The following PTPRT variants were observed in gnomAD, a reference collection of about 807,000 sequenced individuals.
PTPRT encodes receptor-type tyrosine-protein phosphatase T.
A neutral mutation model predicts 176.8 loss-of-function variants in PTPRT; 56 were observed. That is an observed-to-expected ratio of 0.32 (90% CI 0.26 to 0.40). PTPRT has a LOEUF of 0.40. Among genes scored for constraint, PTPRT ranks in the 10% least tolerant of loss-of-function variants. The probability of loss-of-function intolerance (pLI) is 1.00; values close to 1 mark genes in which losing one functional copy is unlikely to be tolerated. For missense variants in PTPRT, 1,540 were observed against 1,908.2 expected, an observed-to-expected ratio of 0.81 and a Z score of 3.60; for synonymous variants, 783 against 739.0, an observed-to-expected ratio of 1.06 and a Z score of -0.96.
At chr20:42,895,342 C>A (rs6030552) in intron 1 of PTPRT, among the ~76,000 whole-genome samples, 193 of 152,306 alleles carry the variant, frequency 1.3e-3, no homozygotes, top group African/African-American at 4.5e-3. Context: ...TGCATCTTCC[C>A]AGCCCAATGG....
intron 28 of PTPRT, among the ~76,000 whole-genome samples, chr20:42,085,306 C>T (rs542293373): frequency 4.4e-4 from 67 of 152,268 alleles, no homozygotes; most frequent in African/African-American, 1.6e-3. Context: ...TAATCTGCCC[C>T]TCCCACCCAC....
At chr20:42,235,931 C>A (rs539819767) in intron 15 of PTPRT, among the ~76,000 whole-genome samples, 1 of 152,282 alleles carries the variant, frequency 6.6e-6, no homozygotes, top group African/African-American at 2.4e-5. Context: ...TGGTCCCCTG[C>A]TTGATGGAAT....
the PTPRT span, among the ~76,000 whole-genome samples, chr20:42,052,845 C>T: frequency 6.6e-6 from 1 of 152,192 alleles, no homozygotes; most frequent in African/African-American, 2.4e-5. Context: ...GCTCTTCCCT[C>T]CTGAAAAGAT....
intron 7 of PTPRT, among the ~76,000 whole-genome samples, chr20:42,542,057 T>A (rs1437502864): frequency 6.6e-6 from 1 of 152,168 alleles, no homozygotes; most frequent in Non-Finnish European, 1.5e-5. Context: ...CTGATGGTTT[T>A]ATAAAGGGGC....
intron 17 of PTPRT, among the ~76,000 whole-genome samples, chr20:42,148,096 C>G (rs1988953134): frequency 6.6e-6 from 1 of 152,100 alleles, no homozygotes; most frequent in Non-Finnish European, 1.5e-5. Context: ...TAATCACATT[C>G]TTTTGAAACC....
chr20:42,184,422 C>T (rs938802802), intron 16 of PTPRT, among the ~76,000 whole-genome samples: 1 of 151,416 alleles, frequency 6.6e-6, no homozygotes, highest in Non-Finnish European at 1.5e-5. Flanking sequence ...CTTTCCTTTC[C>T]TTTCCTTTGC....
intron 1 of PTPRT, among the ~76,000 whole-genome samples, chr20:42,975,614 G>A (rs78985219): frequency 0.023 from 3,508 of 152,088 alleles, 101 homozygotes; most frequent in African/African-American, 0.066. Flanking sequence ...GTATTGTGAC[G>A]ATGCTTGAGG....
intron 1 of PTPRT, among the ~76,000 whole-genome samples, chr20:43,056,656 G>A (rs1006778596): frequency 6.6e-6 from 1 of 152,062 alleles, no homozygotes; most frequent in South Asian, 2.1e-4. Context: ...CAAATACCAG[G>A]AACAACTTTA....
At chr20:42,477,879 C>T (rs992995908) in intron 7 of PTPRT, among the ~76,000 whole-genome samples, 3 of 152,204 alleles carry the variant, frequency 2.0e-5, no homozygotes, top group African/African-American at 7.2e-5. Flanking sequence ...TTGTCCTATG[C>T]CCTGTACTTT....
At chr20:42,547,778 G>C (rs972531435) in intron 7 of PTPRT, among the ~76,000 whole-genome samples, 4 of 151,890 alleles carry the variant, frequency 2.6e-5, no homozygotes, top group Non-Finnish European at 4.4e-5. Context: ...TATTAGAAAG[G>C]AAGACATATA....
chr20:42,994,521 A>G (rs1249678976), intron 1 of PTPRT, among the ~76,000 whole-genome samples: 3 of 152,080 alleles, frequency 2.0e-5, no homozygotes, highest in African/African-American at 7.2e-5. Flanking sequence ...GAACAATACA[A>G]TTTTTTGTTA....
intron 15 of PTPRT, among the ~76,000 whole-genome samples, chr20:42,206,566 A>G (rs6030050): frequency 1.3e-5 from 2 of 152,076 alleles, no homozygotes; most frequent in South Asian, 4.1e-4. Context: ...AATACTGCGC[A>G]TTTCCGACGG....
At position 42,106,958 on chromosome 20, in the gene PTPRT, T is replaced by TG. The variant is rs764904006; in HGVS notation, c.3255-38dup. The TG allele has an allele frequency of 8.1e-6, 13 of 1,604,228 alleles. No individual in the cohort carries two copies. In the African/African-American group the frequency reaches 1.3e-4, roughly 16 times the overall value. On this transcript the variant is annotated intron_variant, in intron 23 of 30. Transcript: ENST00000373187. The stretch of plus-strand genomic sequence containing the variant: ...GTATGGTCTGTGTTAAGGATCTTCA[T>TG]GGGGGGAACCTGCCCTGGGGAGGCC...
At chr20:42,918,268 T>C (rs1281995189) in intron 1 of PTPRT, among the ~76,000 whole-genome samples, 2 of 152,152 alleles carry the variant, frequency 1.3e-5, no homozygotes, top group African/African-American at 4.8e-5. Context: ...CCAAGCCCTG[T>C]GCTCCTGGTT....
At chr20:42,148,689 G>A (rs535842798) in intron 17 of PTPRT, among the ~76,000 whole-genome samples, 2 of 152,290 alleles carry the variant, frequency 1.3e-5, no homozygotes, top group South Asian at 2.1e-4. Context: ...ACAATTGCAC[G>A]GAAGACCAAC....
intron 1 of PTPRT, among the ~76,000 whole-genome samples, chr20:43,181,597 CA>C (rs1404503864): frequency 6.6e-6 from 1 of 152,162 alleles, no homozygotes; most frequent in African/African-American, 2.4e-5. Flanking sequence ...TTATCCTATT[CA>C]AACTAACTTT....
In PTPRT at chr20:42,110,451, G is replaced by A. The variant is rs1178602063; in HGVS notation, c.3136C>T (p.His1046Tyr). 1 of 1,611,410 alleles carries A rather than the reference G, an allele frequency of 6.2e-7. No homozygotes were observed. The highest frequency in any genetic ancestry group is 2.2e-5 in the East Asian group (1 of 44,834). Residue 1046 changes from histidine to tyrosine, a missense_variant, in exon 23 of 31, where the codon CAC becomes TAC. Physicochemically the swap from His to Tyr is moderately conservative, Grantham distance 83 (BLOSUM62 2). This residue lies in a region of PTPRT where 248 missense variants were observed against 356.7 expected (regional missense o/e 0.70). Coordinates refer to ENST00000373187, the MANE Select transcript of PTPRT (RefSeq NM_007050.6). ...CCGTGGTCAGGCCAGCTGGTGAAGT[G>A]GAAGAGGCGGAGCTCCCGGATCTCA... ...YHEIRELRLF[H>Y]FTSWPDHGVP... is the part of the protein sequence containing the mutation.
At chr20:42,182,330 C>T (rs1990558479) in intron 16 of PTPRT, among the ~76,000 whole-genome samples, 1 of 152,088 alleles carries the variant, frequency 6.6e-6, no homozygotes, top group South Asian at 2.1e-4. Flanking sequence ...ATAAATAAAG[C>T]ATAACAAAGA....
chr20:42,276,541 ATATATATATATAT>A (rs2057038989), intron 13 of PTPRT, among the ~76,000 whole-genome samples: 1 of 69,812 alleles, frequency 1.4e-5, no homozygotes, highest in South Asian at 4.2e-4. Context: ...ATATATATAT[ATATATATATATAT>A]ATATAATGTT....
Sources: allele counts gnomAD v4.1 joint callset (sites outside exome capture counted in the v4.1 genomes callset), GRCh38; gene constraint gnomAD v4.1.1; regional missense constraint gnomAD v4.1.1; transcripts MANE v1.5; gene names NCBI Gene and HGNC (gene_info 2026-07-23, HGNC 2026-07-21).